Variants in SLC44A4 observed in about 807,000 individuals in gnomAD.
The protein encoded by SLC44A4 is solute carrier family 44 member 4.
In SLC44A4, 74 loss-of-function variants were observed where a neutral mutation model predicts 97.0. That is an observed-to-expected ratio of 0.76 (90% CI 0.63 to 0.93). The LOEUF (loss-of-function observed/expected upper bound fraction) is 0.93. SLC44A4 is among the 40% of genes least tolerant of loss of function. The probability of loss-of-function intolerance (pLI) is 0.00; values close to 1 mark genes in which losing one functional copy is unlikely to be tolerated. For missense variants in SLC44A4, 799 were observed against 902.9 expected (o/e 0.88, Z 1.48); for synonymous variants, 325 against 363.8 (o/e 0.89, Z 1.21).
At chr6:31,870,771 C>T (rs747867354) in intron 10 of SLC44A4, 41 bp downstream of exon 10, 1 of 1,612,330 alleles carries the variant, frequency 6.2e-7, no homozygotes, top group Non-Finnish European at 8.5e-7. Context: ...CCAGGGCGGT[C>T]CTTGGGCAGC....
chr6:31,868,457 T>G (rs951748372), intron 13 of SLC44A4, among the ~76,000 whole-genome samples: 2 of 152,198 alleles, frequency 1.3e-5, no homozygotes, highest in Non-Finnish European at 2.9e-5. Context: ...ACCCCAGGGA[T>G]GGGTATTATA....
At chr6:31,875,240 A>G (rs1763383268) in intron 4 of SLC44A4, among the ~76,000 whole-genome samples, 1 of 152,170 alleles carries the variant, frequency 6.6e-6, no homozygotes, top group African/African-American at 2.4e-5. Context: ...CAGCTGACAA[A>G]TAGCTCAGAG....
intron 7 of SLC44A4, among the ~76,000 whole-genome samples, chr6:31,872,328 T>C (rs561141987): frequency 2.2e-4 from 33 of 152,270 alleles, no homozygotes; most frequent in African/African-American, 7.2e-4. Flanking sequence ...ATTGAACTTC[T>C]GGGCTCAAGC....
Position 31,876,086 on chromosome 6 carries a change from T to C in SLC44A4, c.133A>G (p.Ile45Val), listed in dbSNP as rs140615353. ...ATCCCCACCACGATGTAACCTAGAA[T>C]GAAGAGCAGGAAGAGGACGCAGCAG... ...VICCVLFLLF[I>V]LGYIVVGIVA... is the part of the protein sequence containing the mutation. The change falls in exon 3 of 21, where the codon ATT becomes GTT. Residue 45 changes from isoleucine to valine, a missense_variant. Ile to Val is a conservative substitution (Grantham distance 29). Transcript: ENST00000229729. The surrounding 1 kb of genome is among the most constrained non-coding windows in gnomAD (Gnocchi z 4.8). The C allele has an allele frequency of 9.9e-6, 16 of 1,613,634 alleles. No homozygotes were observed. Among genetic ancestry groups the C allele is most frequent in the Non-Finnish European group, 1.2e-5 (14 of 1,179,950 alleles).
At chr6:31,864,570 C>T (rs1221337372) in intron 20 of SLC44A4, 82 bp downstream of exon 20, 2 of 1,321,136 alleles carry the variant, frequency 1.5e-6, no homozygotes, top group South Asian at 1.2e-5. Flanking sequence ...TCTAGAAGCA[C>T]CAAATCTCCA....
chr6:31,877,942 G>A lies in SLC44A4; in HGVS notation c.41-860C>T, dbSNP rs1436036470. 3 of 152,204 alleles carry A rather than the reference G, an allele frequency of 2.0e-5. No individual in the cohort carries two copies. Among genetic ancestry groups the A allele is most frequent in the Non-Finnish European group, 4.4e-5 (3 of 68,118 alleles). The allele number at this position is 152,204 out of a possible 1,614,324, so 9.4% of individuals were successfully genotyped here. A position where few individuals can be genotyped will look rare whatever the true frequency, so the allele number is the denominator to read the frequency against. The stretch of plus-strand genomic sequence containing the variant: ...GCTCATGGACAATGATTGACCTGAA[G>A]CCGCTCCAGGAAGTCTACTCGGGAG... On this transcript the variant is annotated intron_variant, in intron 1 of 20. Coordinates refer to ENST00000229729, the MANE Select transcript of SLC44A4 (RefSeq NM_025257.3). This position sits in a 1 kb window ranked among gnomAD's most constrained non-coding sequence, Gnocchi z 6.5.
Position 31,876,034 on chromosome 6 carries a change from C to T in SLC44A4, c.163+22G>A. On this transcript the variant is annotated intron_variant, in intron 3 of 20. Transcript: ENST00000229729. The surrounding 1 kb of genome is among the most constrained non-coding windows in gnomAD (Gnocchi z 4.8). ...TCCTGTCCCTCACCCACTGCCCTGG[C>T]TCTGAGCAGCTGGAAACTCACCCAC... 6.2e-7 allele frequency: 1 copy of T among 1,613,960 alleles called. No homozygotes were observed. The highest frequency in any genetic ancestry group is 2.2e-5 in the East Asian group (1 of 44,878).
chr6:31,870,919 C>T lies in SLC44A4; in HGVS notation c.830G>A (p.Trp277Ter). The change falls in exon 10 of 21, where the codon TGG becomes TAG. Residue 277 changes from tryptophan to a stop codon, truncating the protein, a stop_gained. Transcript: ENST00000229729. LOFTEE classifies it high-confidence loss of function. ...GTCCCGCAGCACTCGGTACTCCTCC[C>T]AGCAGTAGTAGATGCCGTATGCCAG... ...GVLAYGIYYC[W>*]EEYRVLRDKG... 6.2e-7 allele frequency: 1 copy of T among 1,613,060 alleles called. No individual in the cohort carries two copies. The highest frequency in any genetic ancestry group is 8.5e-7 in the Non-Finnish European group (1 of 1,180,006).
At chr6:31,871,125 T>A (rs1763151599) in intron 9 of SLC44A4, 78 bp from the exon 10 acceptor site, 1 of 1,381,082 alleles carries the variant, frequency 7.2e-7, no homozygotes, top group Admixed American at 2.0e-5. Flanking sequence ...TCCCTGCCTT[T>A]CCACACACCA....
At position 31,869,836 on chromosome 6, in the gene SLC44A4, T is replaced by A. The variant is rs575331183; in HGVS notation, c.1038-199A>T. On this transcript the variant is annotated intron_variant, in intron 11 of 20. Coordinates refer to ENST00000229729, the MANE Select transcript of SLC44A4 (RefSeq NM_025257.3). Reference sequence around the variant, plus strand: ...CCATCTCTACTAAAAATACAAAAAATTAGCCGGGCATGGTGGCGGGCGCCT... The same window carrying A: ...CCATCTCTACTAAAAATACAAAAAAATAGCCGGGCATGGTGGCGGGCGCCT... Among the ~76,000 whole-genome samples the A allele has an allele frequency of 1.2e-4, 18 of 152,192 alleles. 1 individual carries two copies. The South Asian group carries it at 3.5e-3, about 30-fold the overall frequency.
rs946479910 is a variant in SLC44A4 at position 31,878,758 on chromosome 6, C to T, written c.40+183G>A. On this transcript the variant is annotated intron_variant, in intron 1 of 20. Coordinates refer to ENST00000229729, the MANE Select transcript of SLC44A4 (RefSeq NM_025257.3). This position sits in a 1 kb window ranked among gnomAD's most constrained non-coding sequence, Gnocchi z 4.0. ...GCTCCCCAGCAACAGCCCCAGCCCC[C>T]GGGCCCCATCCTCCTCCCAGGACCC... Among the ~76,000 whole-genome samples the T allele has an allele frequency of 6.6e-5, 10 of 152,076 alleles. No homozygotes were observed. The highest frequency in any genetic ancestry group is 1.9e-4 in the African/African-American group (8 of 41,406).
chr6:31,875,413 T>C (rs1763390825), intron 4 of SLC44A4, among the ~76,000 whole-genome samples: 1 of 152,192 alleles, frequency 6.6e-6, no homozygotes, highest in South Asian at 2.1e-4. Context: ...ACATAGTAAA[T>C]GCTATATAAA....
intron 11 of SLC44A4, 65 bp downstream of exon 11, chr6:31,870,538 G>A: frequency 1.5e-6 from 2 of 1,341,602 alleles, no homozygotes; most frequent in East Asian, 2.5e-5. Flanking sequence ...GCACCCCCTA[G>A]GTCCCCTAGC....
intron 7 of SLC44A4, 124 bp from the exon 8 acceptor site, chr6:31,871,685 G>T: frequency 1.4e-6 from 1 of 708,242 alleles, no homozygotes; most frequent in South Asian, 1.7e-5. Flanking sequence ...ATCCCTCAGT[G>T]GGCTGCTTTT....
intron 11 of SLC44A4, among the ~76,000 whole-genome samples, chr6:31,869,917 G>A (rs973039944): frequency 2.0e-5 from 3 of 152,048 alleles, no homozygotes; most frequent in South Asian, 2.1e-4. Context: ...CCCGGGAGGC[G>A]GAGTTTGCAG....
Position 31,869,273 on chromosome 6 carries a change from G to A in SLC44A4, c.1131-16C>T, listed in dbSNP as rs1002396919. On this transcript the variant is annotated splice_polypyrimidine_tract_variant and intron_variant, in intron 12 of 20. Transcript: ENST00000229729. The stretch of plus-strand genomic sequence containing the variant: ...AGCCAGGTACCCAGAGGGGAGTCAA[G>A]GAAAGCATGATCACACGAGGTCTCC... 6 of 1,586,938 alleles carry A rather than the reference G, an allele frequency of 3.8e-6. No homozygotes were observed. The South Asian group carries it at 5.7e-5, about 15-fold the overall frequency.
chr6:31,869,464 C>G, intron 12 of SLC44A4, 81 bp downstream of exon 12: 1 of 1,235,540 alleles, frequency 8.1e-7, no homozygotes, highest in East Asian at 2.5e-5. Flanking sequence ...GACACCAAGG[C>G]ACTCTACAGG....
chr6:31,877,053 G>A lies in SLC44A4; in HGVS notation c.70C>T (p.Arg24Ter), dbSNP rs867012569. ...GKPVKYDPSFRGPIKNRSCTD... is the reference protein window; with the variant it reads ...GKPVKYDPSF ...GCTCACCTGTTCTTGATGGGGCCTC[G>A]AAAGGAGGGGTCGTATTTGACTGGC... The change falls in exon 2 of 21, where the codon CGA (arginine) becomes TGA (stop). Residue 24 changes from arginine to a stop codon, truncating the protein, a stop_gained. Coordinates refer to ENST00000229729, the MANE Select transcript of SLC44A4 (RefSeq NM_025257.3). LOFTEE classifies it high-confidence loss of function. This position sits in a 1 kb window ranked among gnomAD's most constrained non-coding sequence, Gnocchi z 6.5. The A allele has an allele frequency of 2.5e-6, 4 of 1,609,992 alleles. No homozygotes were observed. The highest frequency in any genetic ancestry group is 2.5e-6 in the Non-Finnish European group (3 of 1,179,044).
chr6:31,872,825 T>C (rs1352845974), intron 7 of SLC44A4, among the ~76,000 whole-genome samples: 1 of 152,124 alleles, frequency 6.6e-6, no homozygotes, highest in African/African-American at 2.4e-5. Flanking sequence ...TCACTTGAGA[T>C]ACTCCTTACT....
Sources: gnomAD v4.1 joint callset for allele counts (sites outside exome capture counted in the v4.1 genomes callset) on GRCh38, gnomAD v4.1.1 for gene constraint, Gnocchi (gnomAD v3.1) non-coding constraint, MANE v1.5 for transcripts, NCBI Gene and HGNC (gene_info 2026-07-23, HGNC 2026-07-21) for gene names.